The following STK25 variants were observed in gnomAD, a reference collection of about 807,000 sequenced individuals.
STK25 encodes the protein serine/threonine-protein kinase 25.
STK25 carries 29 observed loss-of-function variants against 53.8 expected under a neutral mutation model. The ratio of observed to expected loss-of-function variants is 0.54; its 90% CI spans 0.40 to 0.74. The LOEUF (loss-of-function observed/expected upper bound fraction) is 0.74. Among genes scored for constraint, STK25 ranks in the 30% least tolerant of loss-of-function variants. The pLI is 0.00. For synonymous variants in STK25, 247 were observed against 238.3 expected (o/e 1.04, Z -0.33); for missense variants, 420 against 568.0 (o/e 0.74, Z 2.65).
chr2:241,508,372 G>A (rs1285691678), intron 1 of STK25, 71 bp downstream of exon 1: 2 of 1,110,522 alleles, frequency 1.8e-6, no homozygotes, highest in Non-Finnish European at 2.2e-6. Context: ...CCGCCACCGA[G>A]CCCCGCCCCG....
chr2:241,494,061 T>A lies in STK25; in HGVS notation c.*1601A>T. 7.0e-7 allele frequency: 1 copy of A among 1,429,486 alleles called. No individual in the cohort carries two copies. The highest frequency in any genetic ancestry group is 9.2e-7 in the Non-Finnish European group (1 of 1,091,766). The allele number at this position is 1,429,486 out of a possible 1,614,324, so 88.6% of individuals were successfully genotyped here. A position where few individuals can be genotyped will look rare whatever the true frequency, so the allele number is the denominator to read the frequency against. ...AGCTCAGCCGGGAGGGCCCCAAGCA[T>A]CGTGCAGGATGGCCCCCAACCCTCC... On this transcript the variant is annotated 3_prime_UTR_variant, in exon 12 of 12. Coordinates refer to ENST00000316586, the MANE Select transcript of STK25 (RefSeq NM_001271977.2). The surrounding 1 kb of genome is among the most constrained non-coding windows in gnomAD (Gnocchi z 4.9).
In STK25 at chr2:241,501,206, T is replaced by C. The variant is rs1352734934; in HGVS notation, c.261+272A>G. 7.1e-6 allele frequency: 4 copies of C among 564,426 alleles called. No homozygotes were observed. Among genetic ancestry groups the C allele is most frequent in the Non-Finnish European group, 3.2e-6 (1 of 313,126 alleles). The allele number at this position is 564,426 out of a possible 1,614,324, so 35.0% of individuals were successfully genotyped here. A position where few individuals can be genotyped will look rare whatever the true frequency, so the allele number is the denominator to read the frequency against. On this transcript the variant is annotated intron_variant, in intron 3 of 11. Coordinates refer to ENST00000316586, the MANE Select transcript of STK25 (RefSeq NM_001271977.2). This position sits in a 1 kb window ranked among gnomAD's most constrained non-coding sequence, Gnocchi z 5.3. ...AGCCACCTGCTCCTCACAGGCCCACTCACCACTGCCAGTAGGGGCCCCCCA... is the reference window on the plus strand; with the variant it reads ...AGCCACCTGCTCCTCACAGGCCCACCCACCACTGCCAGTAGGGGCCCCCCA...
intron 2 of STK25, among the ~76,000 whole-genome samples, chr2:241,505,326 A>G (rs1467473878): frequency 6.6e-6 from 1 of 151,668 alleles, no homozygotes; most frequent in East Asian, 1.9e-4. Context: ...GCCTCAACCC[A>G]ACCCTGCCCA....
At chr2:241,506,283 C>T (rs1428783126) in intron 2 of STK25, among the ~76,000 whole-genome samples, 1 of 152,244 alleles carries the variant, frequency 6.6e-6, no homozygotes, top group Admixed American at 6.5e-5. Flanking sequence ...CTCTCATCAT[C>T]CAGGCTGGGA....
At position 241,499,158 on chromosome 2, in the gene STK25, A is replaced by G; in HGVS notation, c.602T>C (p.Leu201Pro). 1 of 1,613,752 alleles carries G rather than the reference A, an allele frequency of 6.2e-7. No individual in the cohort carries two copies. Among genetic ancestry groups the G allele is most frequent in the Non-Finnish European group, 8.5e-7 (1 of 1,179,770 alleles). Residue 201 changes from leucine (L) to proline (P), a missense_variant, in exon 7 of 12, where the codon CTG becomes CCG. Leu to Pro is a moderately conservative substitution (Grantham distance 98). Coordinates refer to ENST00000316586, the MANE Select transcript of STK25 (RefSeq NM_001271977.2). ...AYDFKADIWS[L>P]GITAIELAKG... Reference sequence around the variant, plus strand: ...GGCCAGCTCGATGGCTGTGATCCCCAGGGACCAGATGTCAGCCTGGACAGA... The same window carrying G: ...GGCCAGCTCGATGGCTGTGATCCCCGGGGACCAGATGTCAGCCTGGACAGA...
At position 241,501,458 on chromosome 2, in the gene STK25, C is replaced by T. The variant is rs368452885; in HGVS notation, c.261+20G>A. The T allele has an allele frequency of 5.6e-6, 9 of 1,609,746 alleles. No individual in the cohort carries two copies. The highest frequency in any genetic ancestry group is 1.6e-4 in the Middle Eastern group (1 of 6,074). On this transcript the variant is annotated intron_variant, in intron 3 of 11. Coordinates refer to ENST00000316586, the MANE Select transcript of STK25 (RefSeq NM_001271977.2). This position sits in a 1 kb window ranked among gnomAD's most constrained non-coding sequence, Gnocchi z 5.3. ...CCGGGCACAGCACCAGCAGGGTCCCCGCCTCCCCACAACAGGCACCTTTAG... is the reference window on the plus strand; with the variant it reads ...CCGGGCACAGCACCAGCAGGGTCCCTGCCTCCCCACAACAGGCACCTTTAG...
chr2:241,496,317 C>T lies in STK25; in HGVS notation c.1241+81G>A, dbSNP rs1222814992. The T allele has an allele frequency of 1.8e-5, 27 of 1,516,812 alleles. No individual in the cohort carries two copies. Among genetic ancestry groups the T allele is most frequent in the Admixed American group, 7.2e-5 (4 of 55,490 alleles). 94.0% of individuals were successfully genotyped at this position (1,516,812 alleles called of 1,614,324 possible). A position where few individuals can be genotyped will look rare whatever the true frequency, so the allele number is the denominator to read the frequency against. On this transcript the variant is annotated intron_variant, in intron 11 of 11. Coordinates refer to ENST00000316586, the MANE Select transcript of STK25 (RefSeq NM_001271977.2). The surrounding 1 kb of genome is among the most constrained non-coding windows in gnomAD (Gnocchi z 5.8). ...GTAGTGCCAAATGCAGCCACACCCACGAGTGAGCACTGGACCTCACCCCAC... is the reference window on the plus strand; with the variant it reads ...GTAGTGCCAAATGCAGCCACACCCATGAGTGAGCACTGGACCTCACCCCAC...
intron 2 of STK25, 139 bp downstream of exon 2, chr2:241,507,867 G>A: frequency 1.1e-6 from 1 of 894,130 alleles, no homozygotes; most frequent in Non-Finnish European, 1.7e-6. Flanking sequence ...CCTCAGGACG[G>A]CTCCGCTGGT....
rs944023383 is a variant in STK25 at position 241,503,357 on chromosome 2, G to C, written c.31-1649C>G. Among the ~76,000 whole-genome samples, 30 of 150,810 alleles carry C rather than the reference G, an allele frequency of 2.0e-4. 1 individual carries two copies. Among genetic ancestry groups the C allele is most frequent in the African/African-American group, 7.1e-4 (29 of 41,120 alleles). The stretch of plus-strand genomic sequence containing the variant: ...TGGGATTACAGGCGTGAGCCACCAC[G>C]CACGGCCCCTCCCCTAACAACATCA... On this transcript the variant is annotated intron_variant, in intron 2 of 11. Coordinates refer to ENST00000316586, the MANE Select transcript of STK25 (RefSeq NM_001271977.2).
upstream of STK25, chr2:241,508,752 C>G (rs1186690528): frequency 1.0e-6 from 1 of 985,330 alleles, no homozygotes; most frequent in Non-Finnish European, 1.2e-6. Flanking sequence ...CCGCGAGGCT[C>G]TCTGGGACCC....
At position 241,501,890 on chromosome 2, in the gene STK25, G is replaced by A. The variant is rs1574952734; in HGVS notation, c.31-182C>T. 4 of 576,544 alleles carry A rather than the reference G, an allele frequency of 6.9e-6. No individual in the cohort carries two copies. Among genetic ancestry groups the A allele is most frequent in the East Asian group, 3.0e-5 (1 of 33,854 alleles). 35.7% of individuals were successfully genotyped at this position (576,544 alleles called of 1,614,324 possible). ...TTTTGTTCAAAAACTAAACTTGGCC[G>A]GGCGTGGTGGCTCACGCCTGTAATT... On this transcript the variant is annotated intron_variant, in intron 2 of 11. Coordinates refer to ENST00000316586, the MANE Select transcript of STK25 (RefSeq NM_001271977.2). The surrounding 1 kb of genome is among the most constrained non-coding windows in gnomAD (Gnocchi z 5.3).
Position 241,508,530 on chromosome 2 carries a change from C to A in STK25, c.-188G>T. The A allele has an allele frequency of 2.0e-6, 2 of 1,002,352 alleles. No homozygotes were observed. The highest frequency in any genetic ancestry group is 2.4e-6 in the Non-Finnish European group (2 of 839,892). 62.1% of individuals were successfully genotyped at this position (1,002,352 alleles called of 1,614,324 possible). On this transcript the variant is annotated 5_prime_UTR_variant, in exon 1 of 12. Coordinates refer to ENST00000316586, the MANE Select transcript of STK25 (RefSeq NM_001271977.2). The stretch of plus-strand genomic sequence containing the variant: ...CCGCAGCCTCTGTTCGCCCGGGGAC[C>A]CCGGGCCTCCCAGCCCGCGAAGCAA...
rs757178091 is a variant in STK25, at chr2:241,508,126, C to G, written c.-91G>C. On this transcript the variant is annotated 5_prime_UTR_variant, in exon 2 of 12. Coordinates refer to ENST00000316586, the MANE Select transcript of STK25 (RefSeq NM_001271977.2). ...GGAGCCGGCTAGCTCGCCCCTGCGG[C>G]GTCAGTCCACTGCGAGGGACACCAG... 9.5e-5 allele frequency: 145 copies of G among 1,524,546 alleles called. No homozygotes were observed. The highest frequency in any genetic ancestry group is 1.2e-4 in the Non-Finnish European group (141 of 1,136,832). The allele number at this position is 1,524,546 out of a possible 1,614,324, so 94.4% of individuals were successfully genotyped here.
intron 1 of STK25, 23 bp from the exon 2 acceptor site, chr2:241,508,158 TC>T: frequency 6.9e-7 from 1 of 1,456,222 alleles, no homozygotes; most frequent in Non-Finnish European, 9.0e-7. Context: ...CCAGGGGCGC[TC>T]GGTGCCCAGT....
Position 241,492,964 on chromosome 2 carries a change from A to T in STK25, c.*2698T>A, listed in dbSNP as rs774148238. The T allele has an allele frequency of 1.2e-6, 2 of 1,612,970 alleles. No individual in the cohort carries two copies. The highest frequency in any genetic ancestry group is 1.7e-6 in the Non-Finnish European group (2 of 1,179,056). The stretch of plus-strand genomic sequence containing the variant: ...CAGGATATCTGCTAAGAAAGTTCAA[A>T]AACAGTCATGGCTGGCAGAAGCTCT... On this transcript the variant is annotated 3_prime_UTR_variant, in exon 12 of 12. Coordinates refer to ENST00000316586, the MANE Select transcript of STK25 (RefSeq NM_001271977.2).
In STK25 at chr2:241,501,361, G is replaced by T. The variant is rs1158772807; in HGVS notation, c.261+117C>A. On this transcript the variant is annotated intron_variant, in intron 3 of 11. Transcript: ENST00000316586. This position sits in a 1 kb window ranked among gnomAD's most constrained non-coding sequence, Gnocchi z 5.3. ...CCTGCCCAGGGCAGTTTCCCGGAGG[G>T]CATGCACTGAACCGTCAAGACCGCC... is the stretch of plus-strand genomic sequence containing the variant. 9.6e-7 allele frequency: 1 copy of T among 1,044,298 alleles called. No individual in the cohort carries two copies. Among genetic ancestry groups the T allele is most frequent in the South Asian group, 1.4e-5 (1 of 73,192 alleles). The allele number at this position is 1,044,298 out of a possible 1,614,324, so 64.7% of individuals were successfully genotyped here. A position where few individuals can be genotyped will look rare whatever the true frequency, so the allele number is the denominator to read the frequency against.
chr2:241,499,629 A>G, intron 5 of STK25: 1 of 617,720 alleles, frequency 1.6e-6, no homozygotes, highest in South Asian at 2.0e-5. Flanking sequence ...TCCGAGCTCC[A>G]GGGCTCTTCC....
intron 7 of STK25, 81 bp downstream of exon 7, chr2:241,498,908 C>T: frequency 1.2e-6 from 2 of 1,608,836 alleles, no homozygotes; most frequent in Non-Finnish European, 1.7e-6. Flanking sequence ...GCCTGGGCCT[C>T]CGGGCTGTGC....
Position 241,497,608 on chromosome 2 carries a change from A to G in STK25, c.1104+8T>C, listed in dbSNP as rs35606623. Reference sequence around the variant, plus strand: ...GGACTCCAGGCCCAGTCCCAGCCCCATCCTCACCTCTCCGAAGACGGGCCG... The same window carrying G: ...GGACTCCAGGCCCAGTCCCAGCCCCGTCCTCACCTCTCCGAAGACGGGCCG... On this transcript the variant is annotated splice_region_variant and intron_variant, in intron 10 of 11. Transcript: ENST00000316586. 6.3e-3 allele frequency: 10,191 copies of G among 1,613,134 alleles called. 39 individuals are homozygous for G. The highest frequency in any genetic ancestry group is 7.4e-3 in the Non-Finnish European group (8,750 of 1,179,694).
Sources: gnomAD v4.1 joint callset for allele counts (sites outside exome capture counted in the v4.1 genomes callset) on GRCh38, gnomAD v4.1.1 for gene constraint, Gnocchi (gnomAD v3.1) non-coding constraint, MANE v1.5 for transcripts, NCBI Gene and HGNC (gene_info 2026-07-23, HGNC 2026-07-21) for gene names.